CPHXL2: variants seen among roughly 807,000 people sequenced by gnomAD.
CPHXL2 encodes cytoplasmic polyadenylated homeobox like 2.
the CPHXL2 span, among the ~76,000 whole-genome samples, chr16:75,675,472 C>A: frequency 1.3e-5 from 2 of 151,880 alleles, no homozygotes; most frequent in African/African-American, 4.8e-5. Flanking sequence ...GGGAAATAAT[C>A]ATCTTTTCAA....
At chr16:75,673,075 C>CA in the CPHXL2 span, among the ~76,000 whole-genome samples, 9,935 of 72,934 alleles carry the variant, frequency 0.14, 1,356 homozygotes, top group East Asian at 0.65. Context: ...GACCTTGTCT[C>CA]AAAAAAAAAA....
At chr16:75,664,141 A>G in the CPHXL2 span, among the ~76,000 whole-genome samples, 13 of 152,272 alleles carry the variant, frequency 8.5e-5, no homozygotes, top group Admixed American at 2.6e-4. Flanking sequence ...TTCCAGACCC[A>G]AGCAATGTAC....
the CPHXL2 span, chr16:75,660,704 G>A: frequency 7.5e-6 from 3 of 398,646 alleles, no homozygotes; most frequent in Non-Finnish European, 1.3e-5. Flanking sequence ...CCAAAAGGAA[G>A]GGACTTGCAT....
At chr16:75,672,444 T>C in the CPHXL2 span, among the ~76,000 whole-genome samples, 1 of 152,094 alleles carries the variant, frequency 6.6e-6, no homozygotes, top group Non-Finnish European at 1.5e-5. Context: ...ATCTTGTGTA[T>C]GCCGGGTGGA....
the CPHXL2 span, among the ~76,000 whole-genome samples, chr16:75,665,980 A>G: frequency 6.6e-6 from 1 of 152,194 alleles, no homozygotes; most frequent in Admixed American, 6.5e-5. Context: ...CTTAAAACAT[A>G]TGGAATTGCA....
the CPHXL2 span, among the ~76,000 whole-genome samples, chr16:75,672,360 T>A: frequency 1.3e-5 from 2 of 151,974 alleles, no homozygotes; most frequent in East Asian, 3.9e-4. Context: ...ACAGAGCAAG[T>A]GAATATAAAT....
the CPHXL2 span, among the ~76,000 whole-genome samples, chr16:75,671,643 A>G: frequency 7.2e-5 from 11 of 152,214 alleles, no homozygotes; most frequent in African/African-American, 9.6e-5. Flanking sequence ...ACATAGGCTG[A>G]TTGAAAACAA....
At chr16:75,665,409 A>G in the CPHXL2 span, among the ~76,000 whole-genome samples, 199 of 152,396 alleles carry the variant, frequency 1.3e-3, no homozygotes, top group Admixed American at 2.4e-3. Context: ...AAGAAAAGAT[A>G]TAGTCTTTCA....
At chr16:75,660,294 GCAGGCCCGTGT>G in the CPHXL2 span, 3 of 398,484 alleles carry the variant, frequency 7.5e-6, no homozygotes, top group Non-Finnish European at 1.3e-5. Context: ...GGTTCCTGTG[GCAGGCCCGTGT>G]AGACCCCTCA....
the CPHXL2 span, among the ~76,000 whole-genome samples, chr16:75,669,041 A>T: frequency 6.6e-6 from 1 of 151,996 alleles, no homozygotes; most frequent in Non-Finnish European, 1.5e-5. Flanking sequence ...ATGGCTGGAG[A>T]TGGTGGCTAA....
the CPHXL2 span, among the ~76,000 whole-genome samples, chr16:75,668,832 CT>C: frequency 6.6e-6 from 1 of 151,982 alleles, no homozygotes; most frequent in African/African-American, 2.4e-5. Flanking sequence ...AGCCTATTTT[CT>C]TTTTTTAAAT....
chr16:75,669,083 G>T, the CPHXL2 span, among the ~76,000 whole-genome samples: 2 of 152,124 alleles, frequency 1.3e-5, no homozygotes, highest in Admixed American at 1.3e-4. Flanking sequence ...GGGAGGCCGA[G>T]ATGGGTGCAT....
chr16:75,662,966 T>A, the CPHXL2 span, among the ~76,000 whole-genome samples: 1 of 151,768 alleles, frequency 6.6e-6, no homozygotes, highest in African/African-American at 2.4e-5. Flanking sequence ...GCCCGGCTAA[T>A]TTTTTTTGTA....
the CPHXL2 span, among the ~76,000 whole-genome samples, chr16:75,668,160 C>T: frequency 2.3e-3 from 344 of 151,962 alleles, no homozygotes; most frequent in African/African-American, 7.7e-3. Flanking sequence ...ATAATAATAC[C>T]GTTTTCCTAT....
the CPHXL2 span, among the ~76,000 whole-genome samples, chr16:75,665,026 G>A: frequency 1.1e-4 from 17 of 152,172 alleles, no homozygotes; most frequent in African/African-American, 4.1e-4. Flanking sequence ...AAAGGCACTA[G>A]GAGAGTCAAG....
the CPHXL2 span, among the ~76,000 whole-genome samples, chr16:75,675,737 T>G: frequency 1.3e-5 from 2 of 152,138 alleles, no homozygotes; most frequent in Non-Finnish European, 2.9e-5. Flanking sequence ...TGCTCTTTGC[T>G]GTAGATTTTG....
chr16:75,664,081 C>A, the CPHXL2 span, among the ~76,000 whole-genome samples: 1 of 152,166 alleles, frequency 6.6e-6, no homozygotes, highest in East Asian at 1.9e-4. Context: ...ATCAGAAAAT[C>A]TCTGAATCTG....
the CPHXL2 span, among the ~76,000 whole-genome samples, chr16:75,666,734 A>G: frequency 1.6e-3 from 245 of 152,300 alleles, no homozygotes; most frequent in African/African-American, 5.8e-3. Flanking sequence ...AATGGACTTC[A>G]CAGATATTTG....
chr16:75,661,729 T>G, the CPHXL2 span, among the ~76,000 whole-genome samples: 1 of 152,298 alleles, frequency 6.6e-6, no homozygotes, highest in African/African-American at 2.4e-5. Flanking sequence ...ATGCACATAA[T>G]TCTTACATAC....
Sources: gnomAD v4.1 joint callset for allele counts (sites outside exome capture counted in the v4.1 genomes callset) on GRCh38, gnomAD v4.1.1 for gene constraint, MANE v1.5 for transcripts, NCBI Gene and HGNC (gene_info 2026-07-23, HGNC 2026-07-21) for gene names.